The following GRID2 variants were observed in gnomAD, a reference collection of about 807,000 sequenced individuals.
GRID2 encodes glutamate receptor ionotropic, delta-2.
GRID2 carries 33 observed loss-of-function variants against 114.8 expected under a neutral mutation model. The ratio of observed to expected loss-of-function variants is 0.29; its 90% CI spans 0.22 to 0.38. The LOEUF (loss-of-function observed/expected upper bound fraction) is 0.38, where lower values mean the gene tolerates loss of function less well. Among genes scored for constraint, GRID2 ranks in the 10% least tolerant of loss-of-function variants. The probability of loss-of-function intolerance (pLI) is 1.00; values close to 1 mark genes in which losing one functional copy is unlikely to be tolerated. For missense variants in GRID2, 1,184 were observed against 1,257.7 expected (o/e 0.94, Z 0.89); for synonymous variants, 505 against 449.9 (o/e 1.12, Z -1.55).
At chr4:93,131,155 T>TTTTTTTTTTTTTTTG in intron 4 of GRID2, among the ~76,000 whole-genome samples, 1 of 139,482 alleles carries the variant, frequency 7.2e-6, no homozygotes, top group African/African-American at 2.8e-5. Context: ...ATTTTTTTTT[T>TTTTTTTTTTTTTTTG]TTTTTTTTTT....
chr4:92,958,394 G>A (rs1304083520), intron 2 of GRID2, among the ~76,000 whole-genome samples: 1 of 151,946 alleles, frequency 6.6e-6, no homozygotes, highest in Non-Finnish European at 1.5e-5. Context: ...TTTGGATTTT[G>A]TCAGATGCTT....
chr4:93,645,363 A>G (rs1162454909), intron 14 of GRID2, among the ~76,000 whole-genome samples: 2 of 152,114 alleles, frequency 1.3e-5, no homozygotes, highest in East Asian at 1.9e-4. Flanking sequence ...ATACCCATAT[A>G]AGGAAATGTA....
At chr4:93,375,242 C>A (rs983623063) in intron 8 of GRID2, among the ~76,000 whole-genome samples, 20 of 132,464 alleles carry the variant, frequency 1.5e-4, no homozygotes, top group Non-Finnish European at 2.8e-4. Flanking sequence ...GAGACAGAAT[C>A]TCACTCTATC....
intron 14 of GRID2, among the ~76,000 whole-genome samples, chr4:93,664,716 T>A (rs531281705): frequency 1.1e-4 from 17 of 152,248 alleles, no homozygotes; most frequent in Non-Finnish European, 2.2e-4. Flanking sequence ...GTATACATAA[T>A]TTCAGCTGGA....
At position 92,776,320 on chromosome 4, in the gene GRID2, AG is replaced by A. The variant is rs765140601; in HGVS notation, c.244+186035del. On this transcript the variant is annotated intron_variant, in intron 2 of 15. Coordinates refer to ENST00000282020, the MANE Select transcript of GRID2 (RefSeq NM_001510.4). ...CAAATCTTGGGTCCCATAGATATAT[AG>A]TATATAGTGAGTCGTATTTGCTCAC... 1.9e-4 allele frequency among the ~76,000 whole-genome samples: 29 copies of A among 152,286 alleles called. 1 individual carries two copies. Among genetic ancestry groups the A allele is most frequent in the Non-Finnish European group, 4.0e-4 (27 of 68,024 alleles).
rs139906490 is a variant in GRID2 at position 93,564,426 on chromosome 4, A to T, written c.2193+49015A>T. Among the ~76,000 whole-genome samples, 6 of 152,146 alleles carry T rather than the reference A, an allele frequency of 3.9e-5. No homozygotes were observed. In the East Asian group the frequency reaches 1.2e-3, roughly 29 times the overall value. On this transcript the variant is annotated intron_variant, in intron 13 of 15. Coordinates refer to ENST00000282020, the MANE Select transcript of GRID2 (RefSeq NM_001510.4). ...CAGAAAGAACTTAGGTAAGACATGA[A>T]GTTAAGGTCGCACTGAGTGCACTTT...
intron 1 of GRID2, among the ~76,000 whole-genome samples, chr4:92,472,020 G>A (rs1380838662): frequency 1.8e-5 from 1 of 55,118 alleles, no homozygotes; most frequent in Admixed American, 1.7e-4. Flanking sequence ...TGCAAGCTCC[G>A]CCTCCCGGGT....
chr4:92,988,159 C>T (rs1217027268), intron 2 of GRID2, among the ~76,000 whole-genome samples: 7 of 152,070 alleles, frequency 4.6e-5, no homozygotes, highest in Non-Finnish European at 1.0e-4. Context: ...AGGAATGGCT[C>T]AGCTGGGTGC....
intron 13 of GRID2, among the ~76,000 whole-genome samples, chr4:93,606,162 G>A (rs1740214874): frequency 6.6e-6 from 1 of 152,120 alleles, no homozygotes; most frequent in Non-Finnish European, 1.5e-5. Flanking sequence ...AGCTACTTGG[G>A]AGGCTGAGGC....
chr4:92,602,658 C>G (rs1315217765), intron 2 of GRID2, among the ~76,000 whole-genome samples: 4 of 152,160 alleles, frequency 2.6e-5, no homozygotes, highest in Non-Finnish European at 4.4e-5. Flanking sequence ...CAAGGATGCC[C>G]TGTCTCACGA....
At chr4:93,456,467 T>C (rs1375925537) in intron 11 of GRID2, among the ~76,000 whole-genome samples, 1 of 152,186 alleles carries the variant, frequency 6.6e-6, no homozygotes, top group African/African-American at 2.4e-5. Flanking sequence ...GTGTTTTATC[T>C]TTTACTTTGA....
intron 2 of GRID2, among the ~76,000 whole-genome samples, chr4:92,751,916 T>C (rs955824675): frequency 2.6e-5 from 4 of 152,194 alleles, no homozygotes; most frequent in African/African-American, 7.2e-5. Context: ...AAGACTTCAA[T>C]AGCCACCTAG....
intron 1 of GRID2, among the ~76,000 whole-genome samples, chr4:92,353,750 G>A (rs1208015680): frequency 6.6e-6 from 1 of 151,896 alleles, no homozygotes; most frequent in Non-Finnish European, 1.5e-5. Flanking sequence ...TGAACATATG[G>A]ATCAGCCCAA....
intron 1 of GRID2, among the ~76,000 whole-genome samples, chr4:92,496,029 A>G (rs1489893902): frequency 1.3e-5 from 2 of 151,952 alleles, no homozygotes; most frequent in Non-Finnish European, 2.9e-5. Flanking sequence ...CAAGACAGAA[A>G]AAAACTACTA....
chr4:92,502,739 A>G (rs1240658574), intron 1 of GRID2, among the ~76,000 whole-genome samples: 1 of 114,032 alleles, frequency 8.8e-6, no homozygotes, highest in African/African-American at 3.6e-5. Context: ...TTTTTCCTAT[A>G]CGAAGTCTTG....
At chr4:93,395,797 A>G in intron 9 of GRID2, 89 bp downstream of exon 9, 2 of 596,152 alleles carry the variant, frequency 3.4e-6, no homozygotes. Flanking sequence ...CATAATCTTA[A>G]AAGAGATTTT....
intron 1 of GRID2, among the ~76,000 whole-genome samples, chr4:92,568,648 T>C (rs1225816968): frequency 6.6e-6 from 1 of 151,988 alleles, no homozygotes; most frequent in Non-Finnish European, 1.5e-5. Flanking sequence ...TGAGGGTTTG[T>C]TCTACAGATT....
chr4:93,730,844 G>A (rs780564861), intron 14 of GRID2, among the ~76,000 whole-genome samples: 18 of 152,196 alleles, frequency 1.2e-4, no homozygotes, highest in Non-Finnish European at 2.5e-4. Context: ...AACAAAGAGA[G>A]CTCTGAATGA....
intron 8 of GRID2, among the ~76,000 whole-genome samples, chr4:93,362,658 T>C (rs890385871): frequency 2.0e-5 from 3 of 152,054 alleles, no homozygotes; most frequent in Non-Finnish European, 4.4e-5. Flanking sequence ...TACCCCTTTC[T>C]CACAACAGAA....
Sources: allele counts gnomAD v4.1 joint callset (sites outside exome capture counted in the v4.1 genomes callset), GRCh38; gene constraint gnomAD v4.1.1; transcripts MANE v1.5; gene names NCBI Gene and HGNC (gene_info 2026-07-23, HGNC 2026-07-21).